COL14A1: variants seen among roughly 807,000 people sequenced by gnomAD.
COL14A1 encodes the protein collagen alpha-1(XIV) chain.
A neutral mutation model predicts 230.3 loss-of-function variants in COL14A1; 136 were observed. That is an observed-to-expected ratio of 0.59 (90% confidence interval 0.51 to 0.68). The LOEUF is 0.68. Ranked by LOEUF, COL14A1 falls within the 30% of genes least tolerant of loss-of-function variation. The pLI, the probability that COL14A1 is intolerant of heterozygous loss-of-function variation, is 0.00. For missense variants in COL14A1, 1,976 were observed against 2,215.8 expected (o/e 0.89, Z 2.17); for synonymous variants, 792 against 784.1 (o/e 1.01, Z -0.17).
rs139568235 is a variant in COL14A1 at position 120,268,504 on chromosome 8, G to C, written c.3074-1531G>C. Among the ~76,000 whole-genome samples, 26 of 151,780 alleles carry C rather than the reference G, an allele frequency of 1.7e-4. 1 individual carries two copies. The highest frequency in any genetic ancestry group is 6.3e-4 in the African/African-American group (26 of 41,474). On this transcript the variant is annotated intron_variant, in intron 25 of 47. Coordinates refer to ENST00000297848, the MANE Select transcript of COL14A1 (RefSeq NM_021110.4). ...AGACTTATGTGATCTGGAAGGGTCT[G>C]TGGGGTTAAGGATTGACAAAGTAGA...
intron 43 of COL14A1, among the ~76,000 whole-genome samples, chr8:120,341,674 A>G (rs1391303358): frequency 3.3e-5 from 5 of 152,208 alleles, no homozygotes; most frequent in Admixed American, 3.3e-4. Flanking sequence ...GTTTGATGAG[A>G]ACGTTATATA....
intron 19 of COL14A1, among the ~76,000 whole-genome samples, chr8:120,243,622 A>T (rs1380452884): frequency 3.3e-5 from 5 of 152,226 alleles, no homozygotes; most frequent in Non-Finnish European, 5.9e-5. Flanking sequence ...TGCCAAGAAG[A>T]TGTTGAGAGA....
chr8:120,131,838 CTTTTTTTTTTT>C (rs1172286717), intron 1 of COL14A1, among the ~76,000 whole-genome samples: 9 of 68,952 alleles, frequency 1.3e-4, no homozygotes, highest in South Asian at 6.0e-4. Flanking sequence ...TTCTTCCTTT[CTTTTTTTTTTT>C]TTTTTTTTTT....
chr8:120,134,289 G>T (rs1814638730), intron 1 of COL14A1, among the ~76,000 whole-genome samples: 1 of 151,922 alleles, frequency 6.6e-6, no homozygotes, highest in South Asian at 2.1e-4. Flanking sequence ...ATAAAGTTTT[G>T]ATATTTACAA....
At chr8:120,254,673 C>T (rs1467223937) in intron 22 of COL14A1, among the ~76,000 whole-genome samples, 1 of 151,822 alleles carries the variant, frequency 6.6e-6, no homozygotes, top group Non-Finnish European at 1.5e-5. Context: ...TATCAATATG[C>T]ACTTCCTCTT....
At chr8:120,134,846 A>G (rs971174871) in intron 1 of COL14A1, among the ~76,000 whole-genome samples, 8 of 152,138 alleles carry the variant, frequency 5.3e-5, no homozygotes, top group Admixed American at 1.3e-4. Flanking sequence ...ATGGTGGTGC[A>G]TGCCTGTAAT....
At chr8:120,343,510 T>TGGAG (rs1822387527) in intron 44 of COL14A1, among the ~76,000 whole-genome samples, 1 of 152,054 alleles carries the variant, frequency 6.6e-6, no homozygotes, top group Non-Finnish European at 1.5e-5. Context: ...AATCTCACCC[T>TGGAG]GGAGGAGGCA....
chr8:120,225,346 TAAAA>T, intron 15 of COL14A1, 132 bp downstream of exon 15: 1 of 751,602 alleles, frequency 1.3e-6, no homozygotes, highest in Non-Finnish European at 2.0e-6. Context: ...TTTATGTTAT[TAAAA>T]AATAAACAAT....
At chr8:120,297,233 C>T (rs1820556436) in intron 34 of COL14A1, among the ~76,000 whole-genome samples, 1 of 151,770 alleles carries the variant, frequency 6.6e-6, no homozygotes, top group Non-Finnish European at 1.5e-5. Flanking sequence ...AAGAGTTTAA[C>T]AGAGGAGCTA....
Position 120,369,406 on chromosome 8 carries a change from G to A in COL14A1, c.5232G>A (p.Leu1744=), listed in dbSNP as rs367543356. 1 of 1,610,648 alleles carries A rather than the reference G, an allele frequency of 6.2e-7. No homozygotes were observed. Among genetic ancestry groups the A allele is most frequent in the Admixed American group, 1.7e-5 (1 of 59,498 alleles). The change falls in exon 47 of 48, where the codon CTG becomes CTA. Residue 1744 remains leucine, a synonymous_variant. Coordinates refer to ENST00000297848, the MANE Select transcript of COL14A1 (RefSeq NM_021110.4). ...GACCAAGAGGCCCACCAGGTCATCT[G>A]GGGGTTCCTGGACCCCAAGGTCCTT... ...SPGPRGPPGH[L]GVPGPQGPSG...
chr8:120,270,990 T>C (rs1318612138), intron 26 of COL14A1, among the ~76,000 whole-genome samples: 1 of 151,694 alleles, frequency 6.6e-6, no homozygotes, highest in Non-Finnish European at 1.5e-5. Context: ...CCATCAATAG[T>C]AGACTGGATA....
intron 24 of COL14A1, among the ~76,000 whole-genome samples, chr8:120,265,641 ATGTG>A (rs139005711): frequency 2.0e-5 from 3 of 150,302 alleles, no homozygotes; most frequent in Non-Finnish European, 4.4e-5. Flanking sequence ...AGGTATATAT[ATGTG>A]TGTGTGTGTG....
chr8:120,173,589 T>C (rs1407650500), intron 5 of COL14A1, among the ~76,000 whole-genome samples: 1 of 61,644 alleles, frequency 1.6e-5, no homozygotes, highest in Non-Finnish European at 3.9e-5. Flanking sequence ...CTATCTATCA[T>C]TTATCATCTA....
chr8:120,348,811 C>T (rs1822634828), intron 45 of COL14A1, among the ~76,000 whole-genome samples: 1 of 152,194 alleles, frequency 6.6e-6, no homozygotes, highest in African/African-American at 2.4e-5. Flanking sequence ...ATACATTTGA[C>T]ATCATGATGC....
At chr8:120,357,723 G>A (rs1823034989) in intron 45 of COL14A1, among the ~76,000 whole-genome samples, 1 of 152,116 alleles carries the variant, frequency 6.6e-6, no homozygotes, top group African/African-American at 2.4e-5. Context: ...GCTGAATAAT[G>A]AAGGGCTCTT....
At chr8:120,309,170 C>T (rs1820948416) in intron 36 of COL14A1, among the ~76,000 whole-genome samples, 1 of 152,048 alleles carries the variant, frequency 6.6e-6, no homozygotes, top group African/African-American at 2.4e-5. Flanking sequence ...CTCCTGACCT[C>T]GTGATCCACC....
chr8:120,335,041 G>C (rs1006222113), intron 42 of COL14A1, among the ~76,000 whole-genome samples: 2 of 152,090 alleles, frequency 1.3e-5, no homozygotes, highest in African/African-American at 2.4e-5. Context: ...CCTAACCCAG[G>C]CTAGGAAAAA....
intron 25 of COL14A1, among the ~76,000 whole-genome samples, chr8:120,269,469 A>G (rs1330508529): frequency 6.6e-6 from 1 of 151,740 alleles, no homozygotes; most frequent in Non-Finnish European, 1.5e-5. Context: ...CTATAGAAGG[A>G]CAGAGACAAA....
chr8:120,360,682 T>G (rs1665524480), intron 45 of COL14A1, among the ~76,000 whole-genome samples: 1 of 152,216 alleles, frequency 6.6e-6, no homozygotes, highest in African/African-American at 2.4e-5. Flanking sequence ...GTTTTCACAT[T>G]GCATTATAAC....
Sources: gnomAD v4.1 joint callset for allele counts (sites outside exome capture counted in the v4.1 genomes callset) on GRCh38, gnomAD v4.1.1 for gene constraint, MANE v1.5 for transcripts, NCBI Gene and HGNC (gene_info 2026-07-23, HGNC 2026-07-21) for gene names.